ROR1: variants seen among roughly 807,000 people sequenced by gnomAD.
ROR1 encodes the protein inactive tyrosine-protein kinase transmembrane receptor ROR1.
A neutral mutation model predicts 78.8 loss-of-function variants in ROR1; 19 were observed. That is an observed-to-expected ratio of 0.24 (90% CI 0.17 to 0.35). The LOEUF is 0.35. Ranked by LOEUF, ROR1 falls within the 10% of genes least tolerant of loss-of-function variation. The probability of loss-of-function intolerance (pLI) is 1.00; values close to 1 mark genes in which losing one functional copy is unlikely to be tolerated. For missense variants in ROR1, 917 were observed against 1,177.8 expected, an observed-to-expected ratio of 0.78 and a Z score of 3.24; for synonymous variants, 386 against 433.6, an observed-to-expected ratio of 0.89 and a Z score of 1.36.
At chr1:63,939,941 C>T (rs1645823157) in intron 1 of ROR1, among the ~76,000 whole-genome samples, 1 of 152,154 alleles carries the variant, frequency 6.6e-6, no homozygotes, top group Admixed American at 6.5e-5. Context: ...CGGGTTTCTA[C>T]ACTCATTTTC....
intron 2 of ROR1, among the ~76,000 whole-genome samples, chr1:64,018,224 G>C (rs1010777346): frequency 6.6e-6 from 1 of 152,114 alleles, no homozygotes; most frequent in African/African-American, 2.4e-5. Flanking sequence ...TAAAAGGTCT[G>C]CTTGGCTAAA....
chr1:64,027,937 C>T (rs1036119777), intron 2 of ROR1, among the ~76,000 whole-genome samples: 5 of 152,090 alleles, frequency 3.3e-5, no homozygotes, highest in East Asian at 1.9e-4. Context: ...CTTCCTGCCT[C>T]GGCCTCCCAA....
At chr1:64,106,903 T>G (rs765219177) in intron 4 of ROR1, 20 of 152,354 alleles carry the variant, frequency 1.3e-4, no homozygotes, top group Non-Finnish European at 2.2e-4. Flanking sequence ...CTCGTTATTC[T>G]GTAAACCTGC....
At chr1:64,078,826 A>G (rs17126126) in intron 4 of ROR1, among the ~76,000 whole-genome samples, 22,302 of 152,148 alleles carry the variant, frequency 0.15, 1,737 homozygotes, top group Middle Eastern at 0.2. Flanking sequence ...TCCAACAAGG[A>G]GAGTGAGAGG....
chr1:64,096,900 C>A lies in ROR1; in HGVS notation c.483-40469C>A, dbSNP rs577121012. On this transcript the variant is annotated intron_variant, in intron 4 of 8. Transcript: ENST00000371079. ...TTCCTTTTTTTCTCCACAACCTCAC[C>A]AGCATCTGTTTTTTTTTTTTTAATA... is the stretch of plus-strand genomic sequence containing the variant. Among the ~76,000 whole-genome samples the A allele has an allele frequency of 5.4e-5, 6 of 111,552 alleles. No individual in the cohort carries two copies. In the South Asian group the frequency reaches 1.8e-3, roughly 34 times the overall value. The allele number at this position is 111,552 out of a possible 152,430, so 73.2% of individuals were successfully genotyped here. A position where few individuals can be genotyped will look rare whatever the true frequency, so the allele number is the denominator to read the frequency against.
intron 1 of ROR1, among the ~76,000 whole-genome samples, chr1:63,783,184 G>T (rs1285758967): frequency 6.6e-6 from 1 of 152,122 alleles, no homozygotes; most frequent in Non-Finnish European, 1.5e-5. Flanking sequence ...AATGAAGCCT[G>T]TTGTGTTTTT....
chr1:64,091,881 G>A (rs1647200707), intron 4 of ROR1, among the ~76,000 whole-genome samples: 2 of 152,176 alleles, frequency 1.3e-5, no homozygotes, highest in African/African-American at 4.8e-5. Context: ...GGTATGAGCA[G>A]TGTCTACTAG....
intron 1 of ROR1, among the ~76,000 whole-genome samples, chr1:63,839,341 ATATCATCTATC>A (rs1251576756): frequency 6.9e-6 from 1 of 145,066 alleles, no homozygotes. Context: ...GTCTGTCTCC[ATATCATCTATC>A]TATCTATCTA....
chr1:63,979,462 C>T (rs1326040233), intron 1 of ROR1, among the ~76,000 whole-genome samples: 1 of 152,056 alleles, frequency 6.6e-6, no homozygotes, highest in Non-Finnish European at 1.5e-5. Flanking sequence ...GAGACTGGAG[C>T]CATAGAAGAG....
At chr1:63,939,164 A>C (rs962550450) in intron 1 of ROR1, among the ~76,000 whole-genome samples, 10 of 152,162 alleles carry the variant, frequency 6.6e-5, no homozygotes, top group African/African-American at 2.2e-4. Context: ...ATTGAGAAGC[A>C]GTTGTCTTTC....
At chr1:63,855,557 A>G (rs889055895) in intron 1 of ROR1, among the ~76,000 whole-genome samples, 4 of 150,926 alleles carry the variant, frequency 2.7e-5, no homozygotes, top group Non-Finnish European at 5.9e-5. Flanking sequence ...GTTTACTAAT[A>G]TTTATCCTCT....
At chr1:64,047,008 C>T (rs1441881913) in intron 2 of ROR1, among the ~76,000 whole-genome samples, 2 of 152,178 alleles carry the variant, frequency 1.3e-5, no homozygotes, top group Non-Finnish European at 2.9e-5. Context: ...TGGCCAGCTG[C>T]CTCAAATGGA....
chr1:63,791,158 G>A (rs1557498269), intron 1 of ROR1, among the ~76,000 whole-genome samples: 3 of 152,124 alleles, frequency 2.0e-5, no homozygotes, highest in Non-Finnish European at 2.9e-5. Context: ...CCAGGCATTG[G>A]GCAGGTGTTG....
Position 64,078,251 on chromosome 1 carries a change from A to T in ROR1, c.482+27535A>T, listed in dbSNP as rs540156320. On this transcript the variant is annotated intron_variant, in intron 4 of 8. Transcript: ENST00000371079. ...GGAAAGGCCATGCAAAGAAAATGGC[A>T]TGTGAGGGTCTTGGAAAAAGAATAG... Among the ~76,000 whole-genome samples, 23 of 152,322 alleles carry T rather than the reference A, an allele frequency of 1.5e-4. No individual in the cohort carries two copies. In the South Asian group the frequency reaches 4.8e-3, roughly 32 times the overall value.
intron 1 of ROR1, among the ~76,000 whole-genome samples, chr1:63,787,274 A>G (rs1644694423): frequency 6.6e-6 from 1 of 152,158 alleles, no homozygotes; most frequent in African/African-American, 2.4e-5. Flanking sequence ...ATTCTCACAT[A>G]GGCCGTCTAA....
intron 1 of ROR1, among the ~76,000 whole-genome samples, chr1:63,869,419 C>T (rs969331082): frequency 1.3e-5 from 2 of 152,162 alleles, no homozygotes; most frequent in Non-Finnish European, 2.9e-5. Flanking sequence ...TGCCTGGCTT[C>T]TATGCCAACC....
intron 1 of ROR1, among the ~76,000 whole-genome samples, chr1:63,834,800 A>G (rs1645010401): frequency 6.6e-6 from 1 of 152,106 alleles, no homozygotes. Flanking sequence ...GGCCCAAGGC[A>G]TGTCGTTGGG....
chr1:63,840,957 T>C (rs996838764), intron 1 of ROR1, among the ~76,000 whole-genome samples: 1 of 152,250 alleles, frequency 6.6e-6, no homozygotes, highest in Non-Finnish European at 1.5e-5. Flanking sequence ...GGTCTGTGTT[T>C]CTAGCGCTTT....
intron 1 of ROR1, among the ~76,000 whole-genome samples, chr1:63,936,268 T>C (rs1022878009): frequency 7.9e-5 from 12 of 152,182 alleles, no homozygotes; most frequent in Admixed American, 1.3e-4. Context: ...GCACTTGCAA[T>C]CTATTCGTTT....
Sources: allele counts gnomAD v4.1 joint callset (sites outside exome capture counted in the v4.1 genomes callset), GRCh38; gene constraint gnomAD v4.1.1; transcripts MANE v1.5; gene names NCBI Gene and HGNC (gene_info 2026-07-23, HGNC 2026-07-21).